The following AGAP2 variants were observed in gnomAD, a reference collection of about 807,000 sequenced individuals.
AGAP2 encodes the protein arf-GAP with GTPase, ANK repeat and PH domain-containing protein 2.
A neutral mutation model predicts 110.9 loss-of-function variants in AGAP2; 32 were observed. The observed-to-expected ratio is 0.29, with a 90% CI of 0.22 to 0.39. AGAP2 has a LOEUF of 0.39. AGAP2 is among the 10% of genes least tolerant of loss of function. AGAP2 has a pLI of 1.00. For missense variants in AGAP2, 1,285 were observed against 1,638.5 expected, an observed-to-expected ratio of 0.78 and a Z score of 3.72; for synonymous variants, 702 against 713.0, an observed-to-expected ratio of 0.98 and a Z score of 0.25.
Position 57,737,827 on chromosome 12 carries a change from G to A in AGAP2, c.420C>T (p.Ser140=). 1 of 1,489,720 alleles carries A rather than the reference G, an allele frequency of 6.7e-7. No homozygotes were observed. The highest frequency in any genetic ancestry group is 8.8e-7 in the Non-Finnish European group (1 of 1,130,782). The allele number at this position is 1,489,720 out of a possible 1,614,324, so 92.3% of individuals were successfully genotyped here. Residue 140 remains serine, a synonymous_variant, in exon 1 of 19, where the codon TCC becomes TCT. Coordinates refer to ENST00000547588, the MANE Select transcript of AGAP2 (RefSeq NM_001122772.3). The surrounding 1 kb of genome is among the most constrained non-coding windows in gnomAD (Gnocchi z 5.9). ...TCGGGCTGCTGAGCAGGGGGCGCCG[G>A]GAGGAGGTGGGGGCGCCCCCAGGCT... is the stretch of plus-strand genomic sequence containing the variant. ...DPKPGGAPTS[S]RRPLLSSPSW... is the part of the protein sequence containing the mutation.
chr12:57,734,160 G>A lies in AGAP2; in HGVS notation c.1415C>T (p.Ala472Val). ...GAPDAKFSGWADAVIFVFSLE... is the reference protein window; with the variant it reads ...GAPDAKFSGWVDAVIFVFSLE... ...GCTGAAGACGAAGATCACAGCATCT[G>A]CCCAGCCTGAGAACTTGCGGGGAGT... The change falls in exon 5 of 19, where the codon GCA (alanine) becomes GTA (valine). Residue 472 changes from alanine (A) to valine (V), a missense_variant. Ala to Val is a moderately conservative substitution (Grantham distance 64). Coordinates refer to ENST00000547588, the MANE Select transcript of AGAP2 (RefSeq NM_001122772.3). 6.2e-7 allele frequency: 1 copy of A among 1,611,020 alleles called. No individual in the cohort carries two copies.
rs778808246 is a variant in AGAP2, at chr12:57,737,451, A to G, written c.796T>C (p.Leu266=). 11 of 1,613,166 alleles carry G rather than the reference A, an allele frequency of 6.8e-6. No individual in the cohort carries two copies. Among genetic ancestry groups the G allele is most frequent in the South Asian group, 2.2e-5 (2 of 91,036 alleles). The change falls in exon 1 of 19, where the codon TTG becomes CTG. Residue 266 remains leucine, a synonymous_variant. Transcript: ENST00000547588. This position sits in a 1 kb window ranked among gnomAD's most constrained non-coding sequence, Gnocchi z 5.9. ...VGAGAGARGK[L]SPRKGKSKTL... ...TTACTCTTGCCTTTCCGAGGGGACA[A>G]CTTCCCTCGGGCTCCAGCCCCAGCC...
rs1299433542 is a variant in AGAP2 at position 57,731,402 on chromosome 12, G to T, written c.2109C>A (p.Ser703=). 3.7e-6 allele frequency: 6 copies of T among 1,614,034 alleles called. No homozygotes were observed. The highest frequency in any genetic ancestry group is 5.1e-6 in the Non-Finnish European group (6 of 1,180,026). Residue 703 remains serine, a synonymous_variant, in exon 10 of 19, where the codon TCC becomes TCA. Coordinates refer to ENST00000547588, the MANE Select transcript of AGAP2 (RefSeq NM_001122772.3). The part of the protein sequence containing the change: ...KEWKKKYVTL[S]SNGFLLYHPS... ...GGTGGTAGAGTAGAAAGCCATTACT[G>T]GACAGGGTTACATATTTCTTCTTCC...
At position 57,725,316 on chromosome 12, in the gene AGAP2, C is replaced by A. The variant is rs1278134227; in HGVS notation, c.*1236G>T. Reference sequence around the variant, plus strand: ...CTCTCCCCTCCCCAATTACCTGGTCCTTTGCAAACTATTTTAGCCAGAAAA... The same window carrying A: ...CTCTCCCCTCCCCAATTACCTGGTCATTTGCAAACTATTTTAGCCAGAAAA... On this transcript the variant is annotated 3_prime_UTR_variant, in exon 19 of 19. Transcript: ENST00000547588. 7.5e-6 allele frequency: 1 copy of A among 133,558 alleles called. No individual in the cohort carries two copies. Among genetic ancestry groups the A allele is most frequent in the Non-Finnish European group, 1.6e-5 (1 of 64,170 alleles). The allele number at this position is 133,558 out of a possible 1,614,324, so 8.3% of individuals were successfully genotyped here. A position where few individuals can be genotyped will look rare whatever the true frequency, so the allele number is the denominator to read the frequency against.
At chr12:57,732,655 C>A in intron 6 of AGAP2, 143 bp from the exon 7 acceptor site, 1 of 1,311,310 alleles carries the variant, frequency 7.6e-7, no homozygotes, top group Middle Eastern at 1.9e-4. Flanking sequence ...TGTGGCCTTG[C>A]CAGCTCCTCC....
upstream of AGAP2, chr12:57,741,832 T>C (rs142216977): frequency 1.3e-5 from 20 of 1,501,614 alleles, no homozygotes; most frequent in African/African-American, 4.2e-5. Context: ...TGACTGGGAA[T>C]TGATATATGA....
At chr12:57,735,546 A>C in intron 1 of AGAP2, 119 bp from the exon 2 acceptor site, 1 of 922,602 alleles carries the variant, frequency 1.1e-6, no homozygotes, top group Non-Finnish European at 1.7e-6. Flanking sequence ...CCTGCACTGG[A>C]GAGGTGTGTG....
intron 6 of AGAP2, 79 bp from the exon 7 acceptor site, chr12:57,732,591 C>A (rs1023880124): frequency 2.1e-6 from 3 of 1,396,064 alleles, no homozygotes; most frequent in African/African-American, 2.8e-5. Flanking sequence ...TTGAGAAATC[C>A]CCAGTAGACA....
At chr12:57,727,289 C>T (rs771921577) in intron 17 of AGAP2, 60 bp from the exon 18 acceptor site, 1 of 1,611,078 alleles carries the variant, frequency 6.2e-7, no homozygotes, top group Non-Finnish European at 8.5e-7. Context: ...ACTTCTGCCC[C>T]TACCCACGGG....
At position 57,734,199 on chromosome 12, in the gene AGAP2, G is replaced by T. The variant is rs1323861561; in HGVS notation, c.1402-26C>A. ...CTTGCGGGGAGTGAGGGAGCAAATG[G>T]AAAGTCAGACAGGTCTACTCCTCTG... On this transcript the variant is annotated intron_variant, in intron 4 of 18. Coordinates refer to ENST00000547588, the MANE Select transcript of AGAP2 (RefSeq NM_001122772.3). 4 of 1,604,014 alleles carry T rather than the reference G, an allele frequency of 2.5e-6. No homozygotes were observed. The South Asian group carries it at 4.4e-5, about 18-fold the overall frequency.
chr12:57,738,225 G>A lies in AGAP2; in HGVS notation c.22C>T (p.Leu8Phe), dbSNP rs1245557574. 4 of 1,519,080 alleles carry A rather than the reference G, an allele frequency of 2.6e-6. No individual in the cohort carries two copies. Among genetic ancestry groups the A allele is most frequent in the Non-Finnish European group, 2.6e-6 (3 of 1,138,654 alleles). 94.1% of individuals were successfully genotyped at this position (1,519,080 alleles called of 1,614,324 possible). Reference sequence around the variant, plus strand: ...AGGTAGGTCGTTGTCCGGCGCTGAAGCGCGCCCGCGCCCCGGCTCATGGGG... The same window carrying A: ...AGGTAGGTCGTTGTCCGGCGCTGAAACGCGCCCGCGCCCCGGCTCATGGGG... MSRGAGALQRRTTTYLIS... is the reference protein window; with the variant it reads MSRGAGAFQRRTTTYLIS... The change falls in exon 1 of 19, where the codon CTT (leucine) becomes TTT (phenylalanine). Residue 8 changes from leucine to phenylalanine, a missense_variant. Leu to Phe is a conservative substitution (Grantham distance 22). This residue lies in a region of AGAP2 where 844 missense variants were observed against 941.2 expected (regional missense o/e 0.90). Coordinates refer to ENST00000547588, the MANE Select transcript of AGAP2 (RefSeq NM_001122772.3). This position sits in a 1 kb window ranked among gnomAD's most constrained non-coding sequence, Gnocchi z 6.7.
Position 57,732,498 on chromosome 12 carries a change from C to G in AGAP2, c.1699G>C (p.Val567Leu). The change falls in exon 7 of 19, where the codon GTG becomes CTG. Residue 567 changes from valine (V) to leucine (L), a missense_variant. By Grantham distance (32) the Val-to-Leu change is conservative. Around this residue, in one of 7 missense-constraint regions of AGAP2, gnomAD observed 844 missense variants for 941.2 expected, o/e 0.90. Coordinates refer to ENST00000547588, the MANE Select transcript of AGAP2 (RefSeq NM_001122772.3). ...AGCTGTTGCTGCTTGCGCAAGGTCA[C>G]CACCTTCTGGGCCACTGAGGGGAGT... is the stretch of plus-strand genomic sequence containing the variant. ...RVFQEVAQKVVTLRKQQQLLA... is the reference protein window; with the variant it reads ...RVFQEVAQKVLTLRKQQQLLA... 6.3e-7 allele frequency: 1 copy of G among 1,586,950 alleles called. No individual in the cohort carries two copies. Among genetic ancestry groups the G allele is most frequent in the Non-Finnish European group, 8.6e-7 (1 of 1,165,656 alleles).
At chr12:57,724,728 A>G (rs1175427107), downstream of AGAP2, 1 of 152,286 alleles carries the variant, frequency 6.6e-6, no homozygotes, top group African/African-American at 2.4e-5. Flanking sequence ...AGCCCTCCTC[A>G]GAGCTGGAGC....
chr12:57,738,371 G>C lies in AGAP2; in HGVS notation c.-125C>G. The C allele has an allele frequency of 1.7e-6, 2 of 1,191,316 alleles. No individual in the cohort carries two copies. Among genetic ancestry groups the C allele is most frequent in the Non-Finnish European group, 2.1e-6 (2 of 952,824 alleles). The allele number at this position is 1,191,316 out of a possible 1,614,324, so 73.8% of individuals were successfully genotyped here. A position where few individuals can be genotyped will look rare whatever the true frequency, so the allele number is the denominator to read the frequency against. The stretch of plus-strand genomic sequence containing the variant: ...CCGGACCCCGCTGAGCCCCCGGCCC[G>C]GCTCCGCTGTCGCCGCCGCCTCCGC... On this transcript the variant is annotated 5_prime_UTR_variant, in exon 1 of 19. Transcript: ENST00000547588. The surrounding 1 kb of genome is among the most constrained non-coding windows in gnomAD (Gnocchi z 6.7).
chr12:57,732,638 T>A, intron 6 of AGAP2, 126 bp from the exon 7 acceptor site: 1 of 1,280,286 alleles, frequency 7.8e-7, no homozygotes, highest in Non-Finnish European at 1.1e-6. Context: ...GTGGCCTCCA[T>A]GCCACCTGTG....
chr12:57,732,699 C>A, intron 6 of AGAP2, 146 bp downstream of exon 6: 2 of 1,455,606 alleles, frequency 1.4e-6, no homozygotes, highest in African/African-American at 2.8e-5. Context: ...TTAAGCAAAC[C>A]TTCTCTGGCC....
Position 57,726,261 on chromosome 12 carries a change from C to T in AGAP2, c.*291G>A. 1 of 207,544 alleles carries T rather than the reference C, an allele frequency of 4.8e-6. No individual in the cohort carries two copies. Among genetic ancestry groups the T allele is most frequent in the Non-Finnish European group, 9.7e-6 (1 of 103,510 alleles). 12.9% of individuals were successfully genotyped at this position (207,544 alleles called of 1,614,324 possible). A position where few individuals can be genotyped will look rare whatever the true frequency, so the allele number is the denominator to read the frequency against. ...TCCAAGCGCCTAGGAGCCCGTACCG[C>T]TGGGGACCTCCCCTTCCGCGAACCC... On this transcript the variant is annotated 3_prime_UTR_variant, in exon 19 of 19. Coordinates refer to ENST00000547588, the MANE Select transcript of AGAP2 (RefSeq NM_001122772.3). The surrounding 1 kb of genome is among the most constrained non-coding windows in gnomAD (Gnocchi z 5.7).
chr12:57,741,812 AG>A (rs1300256031), upstream of AGAP2: 1 of 1,386,094 alleles, frequency 7.2e-7, no homozygotes, highest in Non-Finnish European at 1.0e-6. Context: ...CTTGGGGACT[AG>A]GAAGTAGCTG....
chr12:57,730,632 A>G lies in AGAP2; in HGVS notation c.2309-18T>C, dbSNP rs1216589554. 3 of 1,610,038 alleles carry G rather than the reference A, an allele frequency of 1.9e-6. No individual in the cohort carries two copies. The highest frequency in any genetic ancestry group is 2.2e-5 in the South Asian group (2 of 90,878). On this transcript the variant is annotated intron_variant, in intron 11 of 18. Coordinates refer to ENST00000547588, the MANE Select transcript of AGAP2 (RefSeq NM_001122772.3). ...AGTGGCTTCTGTCGGAAGAAGATGA[A>G]ACCTCAGTGAGCCTCTTTCTTCTGG...
Sources: gnomAD v4.1 joint callset for allele counts on GRCh38, gnomAD v4.1.1 for gene constraint, gnomAD v4.1.1 regional missense constraint, Gnocchi (gnomAD v3.1) non-coding constraint, MANE v1.5 for transcripts, NCBI Gene and HGNC (gene_info 2026-07-23, HGNC 2026-07-21) for gene names.